NDUFA10: variants seen among roughly 807,000 people sequenced by gnomAD.
NDUFA10 encodes the protein NADH:ubiquinone oxidoreductase subunit A10.
In NDUFA10, 40 loss-of-function variants were observed where a neutral mutation model predicts 47.8. The ratio of observed to expected loss-of-function variants is 0.84; its 90% CI spans 0.65 to 1.09. The LOEUF is 1.09. Among genes scored for constraint, NDUFA10 ranks in the 50% least tolerant of loss-of-function variants. The pLI is 0.00. For synonymous variants in NDUFA10, 183 were observed against 172.2 expected (o/e 1.06, Z -0.49); for missense variants, 413 against 451.1 (o/e 0.92, Z 0.76).
intron 9 of NDUFA10, among the ~76,000 whole-genome samples, chr2:239,968,199 C>A (rs888015312): frequency 1.3e-5 from 2 of 152,192 alleles, no homozygotes; most frequent in Admixed American, 1.3e-4. Flanking sequence ...AGAAATCCTA[C>A]CTGACCAACA....
chr2:240,011,409 T>C (rs1418654016), intron 6 of NDUFA10, among the ~76,000 whole-genome samples: 1 of 152,218 alleles, frequency 6.6e-6, no homozygotes, highest in African/African-American at 2.4e-5. Context: ...ACTGACAAGA[T>C]AAGCAAACCA....
chr2:239,976,371 G>A (rs76418733), intron 9 of NDUFA10: 4,374 of 152,518 alleles, frequency 0.029, 185 homozygotes, highest in African/African-American at 0.09. Flanking sequence ...GGCCCTTGCC[G>A]GCCATGCCCT....
intron 8 of NDUFA10, among the ~76,000 whole-genome samples, chr2:239,997,854 T>C (rs911524195): frequency 3.3e-5 from 5 of 152,238 alleles, no homozygotes; most frequent in African/African-American, 1.2e-4. Context: ...TAAGGATCAT[T>C]CTTAGCAGCT....
chr2:240,000,225 T>C (rs1310295197), intron 8 of NDUFA10, among the ~76,000 whole-genome samples: 1 of 152,190 alleles, frequency 6.6e-6, no homozygotes, highest in African/African-American at 2.4e-5. Flanking sequence ...GGCAGGTCCT[T>C]CAGGCGGCAT....
At chr2:239,915,044 C>G (rs1418171220) in intron 4 of NDUFA10, among the ~76,000 whole-genome samples, 1 of 130,092 alleles carries the variant, frequency 7.7e-6, no homozygotes, top group African/African-American at 3.1e-5. Flanking sequence ...ACACAGAACA[C>G]ACACATACAC....
intron 8 of NDUFA10, among the ~76,000 whole-genome samples, chr2:239,993,371 A>G (rs1443482462): frequency 6.6e-6 from 1 of 152,228 alleles, no homozygotes; most frequent in Non-Finnish European, 1.5e-5. Context: ...AACAGCCTAC[A>G]AGAGTTAAGG....
At chr2:239,949,593 A>C (rs780482416) in intron 4 of NDUFA10, among the ~76,000 whole-genome samples, 9 of 152,198 alleles carry the variant, frequency 5.9e-5, no homozygotes, top group Admixed American at 1.3e-4. Context: ...TCCTGGGCTC[A>C]AGCAATCCTC....
intron 2 of NDUFA10, 30 bp downstream of exon 2, chr2:240,022,142 G>T (rs772484940): frequency 3.2e-6 from 5 of 1,582,128 alleles, no homozygotes. Flanking sequence ...CTGAGAAAAA[G>T]GTATCATTCT....
At chr2:239,983,522 A>C in intron 9 of NDUFA10, 1 of 1,600,670 alleles carries the variant, frequency 6.2e-7, no homozygotes, top group Non-Finnish European at 8.5e-7. Flanking sequence ...CTTACTCAAC[A>C]AAGGAACATA....
At chr2:240,009,700 G>A (rs1354985231) in intron 6 of NDUFA10, among the ~76,000 whole-genome samples, 1 of 152,206 alleles carries the variant, frequency 6.6e-6, no homozygotes, top group African/African-American at 2.4e-5. Flanking sequence ...CTTCAACGGA[G>A]CCATCATCTT....
At chr2:239,946,308 G>C (rs1694451706) in intron 4 of NDUFA10, among the ~76,000 whole-genome samples, 1 of 152,232 alleles carries the variant, frequency 6.6e-6, no homozygotes, top group African/African-American at 2.4e-5. Flanking sequence ...CAGACGGGGA[G>C]ATGGGTGCAG....
intron 8 of NDUFA10, among the ~76,000 whole-genome samples, chr2:239,990,647 C>T (rs1039292483): frequency 1.3e-5 from 2 of 152,142 alleles, no homozygotes; most frequent in Non-Finnish European, 2.9e-5. Context: ...TTGCAGCCAG[C>T]GTCTTACTGC....
intron 9 of NDUFA10, among the ~76,000 whole-genome samples, chr2:239,981,954 C>T (rs1208432561): frequency 6.6e-6 from 1 of 151,864 alleles, no homozygotes; most frequent in Non-Finnish European, 1.5e-5. Context: ...GGGTAATGGG[C>T]TTCTAAGAAC....
chr2:239,971,388 T>C (rs1386002434), intron 9 of NDUFA10, among the ~76,000 whole-genome samples: 3 of 152,246 alleles, frequency 2.0e-5, no homozygotes, highest in Non-Finnish European at 4.4e-5. Context: ...ACTCACTCTT[T>C]TTGAAGTGCT....
chr2:239,998,752 G>A (rs768185854), intron 8 of NDUFA10, among the ~76,000 whole-genome samples: 11 of 152,272 alleles, frequency 7.2e-5, no homozygotes, highest in African/African-American at 2.4e-4. Flanking sequence ...CAGAAATACT[G>A]CCCATATGTT....
downstream of NDUFA10, among the ~76,000 whole-genome samples, chr2:239,956,225 C>T (rs1424469620): frequency 2.6e-5 from 4 of 152,136 alleles, no homozygotes; most frequent in Admixed American, 6.5e-5. Context: ...GAGGTGGGGC[C>T]GGTCATCCCC....
chr2:239,935,441 C>T (rs116546613), intron 4 of NDUFA10, among the ~76,000 whole-genome samples: 3,607 of 152,288 alleles, frequency 0.024, 156 homozygotes, highest in African/African-American at 0.083. Context: ...GGTCAGAGAT[C>T]GGGCCTCGGG....
intron 4 of NDUFA10, among the ~76,000 whole-genome samples, chr2:239,900,654 A>ATGGG (rs1275072608): frequency 2.0e-5 from 3 of 151,734 alleles, no homozygotes; most frequent in South Asian, 2.1e-4. Context: ...AGTGACACTG[A>ATGGG]TGGGTGGGTG....
chr2:239,952,825 G>A (rs1694579061), downstream of NDUFA10, among the ~76,000 whole-genome samples: 1 of 152,264 alleles, frequency 6.6e-6, no homozygotes, highest in Non-Finnish European at 1.5e-5. Flanking sequence ...GGCAAGGCAG[G>A]GCTGCTCACA....
Sources: allele counts gnomAD v4.1 joint callset (sites outside exome capture counted in the v4.1 genomes callset), GRCh38; gene constraint gnomAD v4.1.1; transcripts MANE v1.5; gene names NCBI Gene and HGNC (gene_info 2026-07-23, HGNC 2026-07-21).